Variants in PLEKHA6 observed in about 807,000 individuals in gnomAD.
The protein encoded by PLEKHA6 is pleckstrin homology domain containing A6.
A neutral mutation model predicts 116.7 loss-of-function variants in PLEKHA6; 60 were observed. That is an observed-to-expected ratio of 0.51 (90% CI 0.42 to 0.64). The LOEUF (loss-of-function observed/expected upper bound fraction) is 0.64, where lower values mean the gene tolerates loss of function less well. Ranked by LOEUF, PLEKHA6 falls within the 30% of genes least tolerant of loss-of-function variation. PLEKHA6 has a pLI of 0.00. For missense variants in PLEKHA6, 1,338 were observed against 1,422.7 expected, an observed-to-expected ratio of 0.94 and a Z score of 0.96; for synonymous variants, 489 against 556.1, an observed-to-expected ratio of 0.88 and a Z score of 1.70.
At chr1:204,286,134 G>A (rs4077545) in intron 1 of PLEKHA6, among the ~76,000 whole-genome samples, 68,931 of 152,044 alleles carry the variant, frequency 0.45, 16,173 homozygotes, top group Middle Eastern at 0.56. Context: ...TTGCTAAGCA[G>A]ACATCACAAG....
rs554397115 is a variant in PLEKHA6 at position 204,348,996 on chromosome 1, A to G, written c.-95+10698T>C. Among the ~76,000 whole-genome samples, 432 of 152,254 alleles carry G rather than the reference A, an allele frequency of 2.8e-3. 5 individuals carry two copies. Among genetic ancestry groups the G allele is most frequent in the African/African-American group, 1.0e-2 (415 of 41,552 alleles). On this transcript the variant is annotated intron_variant, in intron 1 of 22. Coordinates refer to ENST00000272203, the MANE Select transcript of PLEKHA6 (RefSeq NM_014935.5). ...TGTCGGGAGGGGTTAGCTTCAGCCC[A>G]CGCAGCTAGCCCCACCCATCCTTCC...
intron 9 of PLEKHA6, among the ~76,000 whole-genome samples, chr1:204,251,936 G>A (rs1237862019): frequency 6.6e-6 from 1 of 152,050 alleles, no homozygotes; most frequent in Non-Finnish European, 1.5e-5. Context: ...TCCCTGCCCT[G>A]ATCTCATTTC....
At chr1:204,368,339 C>T (rs2103408252) in intron 2 of PLEKHA6, 1 of 152,272 alleles carries the variant, frequency 6.6e-6, no homozygotes, top group Middle Eastern at 3.4e-3. Context: ...TCTCCAAATA[C>T]CAGGCCAGCG....
chr1:204,314,433 G>A (rs184329277), intron 1 of PLEKHA6, among the ~76,000 whole-genome samples: 12 of 152,242 alleles, frequency 7.9e-5, no homozygotes, highest in Non-Finnish European at 1.3e-4. Flanking sequence ...TCCTGCAGAC[G>A]ACAATGGAGT....
intron 1 of PLEKHA6, among the ~76,000 whole-genome samples, chr1:204,345,674 G>A (rs1673014930): frequency 3.4e-5 from 1 of 29,434 alleles, no homozygotes; most frequent in Non-Finnish European, 9.0e-5. Flanking sequence ...AGGCACTCAA[G>A]CATTTCCCTG....
At chr1:204,327,267 G>A (rs1672275433) in intron 1 of PLEKHA6, among the ~76,000 whole-genome samples, 1 of 152,198 alleles carries the variant, frequency 6.6e-6, no homozygotes, top group Non-Finnish European at 1.5e-5. Flanking sequence ...CTGCTTGTTT[G>A]TCCTTCCTAC....
chr1:204,358,680 C>A (rs1282906243), intron 1 of PLEKHA6, among the ~76,000 whole-genome samples: 1 of 152,074 alleles, frequency 6.6e-6, no homozygotes, highest in East Asian at 1.9e-4. Context: ...AAGGCTGCAA[C>A]CTCCTCTGAC....
rs916392519 is a variant in PLEKHA6, at chr1:204,223,188, C to T, written c.*8+274G>A. The stretch of plus-strand genomic sequence containing the variant: ...CCCTGAGAGCAGACAGGTGAGGTCT[C>T]GGCTCCATTCCCTGCCTGCTTCTGG... On this transcript the variant is annotated intron_variant, in intron 22 of 22. Coordinates refer to ENST00000272203, the MANE Select transcript of PLEKHA6 (RefSeq NM_014935.5). This position sits in a 1 kb window ranked among gnomAD's most constrained non-coding sequence, Gnocchi z 4.8. Among the ~76,000 whole-genome samples, 2 of 151,958 alleles carry T rather than the reference C, an allele frequency of 1.3e-5. No individual in the cohort carries two copies. Among genetic ancestry groups the T allele is most frequent in the African/African-American group, 4.8e-5 (2 of 41,350 alleles).
At chr1:204,287,843 A>T (rs1669355102) in intron 1 of PLEKHA6, among the ~76,000 whole-genome samples, 1 of 151,990 alleles carries the variant, frequency 6.6e-6, no homozygotes, top group South Asian at 2.1e-4. Flanking sequence ...GCCACACAAA[A>T]CCATTGTCTT....
chr1:204,228,873 C>A lies in PLEKHA6; in HGVS notation c.2752-12G>T. On this transcript the variant is annotated splice_polypyrimidine_tract_variant and intron_variant, in intron 19 of 22. Transcript: ENST00000272203. The surrounding 1 kb of genome is among the most constrained non-coding windows in gnomAD (Gnocchi z 4.0). ...TCTGGAGTGGAGAGCTATGGAGGGG[C>A]TGGGGTCACCACCTCTGTCCCTTCC... The A allele has an allele frequency of 6.2e-7, 1 of 1,614,062 alleles. No individual in the cohort carries two copies. The highest frequency in any genetic ancestry group is 1.1e-5 in the South Asian group (1 of 91,076).
At chr1:204,316,474 C>T (rs1190447603) in intron 1 of PLEKHA6, among the ~76,000 whole-genome samples, 2 of 152,174 alleles carry the variant, frequency 1.3e-5, no homozygotes, top group East Asian at 3.9e-4. Flanking sequence ...CCCCTTGTTC[C>T]CAGTGCCTTT....
At chr1:204,303,074 T>C (rs1670975273) in intron 1 of PLEKHA6, among the ~76,000 whole-genome samples, 1 of 152,146 alleles carries the variant, frequency 6.6e-6, no homozygotes, top group Admixed American at 6.5e-5. Flanking sequence ...AACAGCCCCA[T>C]GGTATCCATC....
intron 1 of PLEKHA6, among the ~76,000 whole-genome samples, chr1:204,276,313 G>A (rs1165815174): frequency 6.6e-6 from 1 of 152,140 alleles, no homozygotes; most frequent in Non-Finnish European, 1.5e-5. Context: ...CTAGCACGTT[G>A]ATAATCCACT....
At chr1:204,359,158 T>G (rs1005287544) in intron 1 of PLEKHA6, among the ~76,000 whole-genome samples, 1 of 152,108 alleles carries the variant, frequency 6.6e-6, no homozygotes, top group African/African-American at 2.4e-5. Flanking sequence ...AGAGCTCAGA[T>G]GCGTCCTAGG....
chr1:204,264,221 G>T (rs1666500815), intron 6 of PLEKHA6, among the ~76,000 whole-genome samples: 1 of 152,144 alleles, frequency 6.6e-6, no homozygotes, highest in South Asian at 2.1e-4. Flanking sequence ...ATACGAAAGG[G>T]CATGAGATTT....
rs61817031 is a variant in PLEKHA6, at chr1:204,220,229, C to T, written c.*2559G>A. The T allele has an allele frequency of 0.012, 1,790 of 152,400 alleles. 26 individuals carry two copies. Among genetic ancestry groups the T allele is most frequent in the Non-Finnish European group, 0.017 (1,164 of 68,056 alleles). 9.4% of individuals were successfully genotyped at this position (152,400 alleles called of 1,614,324 possible). A position where few individuals can be genotyped will look rare whatever the true frequency, so the allele number is the denominator to read the frequency against. ...CTAGCAGCCCATCTGGGGTGCATGC[C>T]TGCATGGGTCTCCTTTGTGCATACA... On this transcript the variant is annotated 3_prime_UTR_variant, in exon 23 of 23. Transcript: ENST00000272203.
chr1:204,267,600 G>A (rs1666975937), intron 4 of PLEKHA6, 53 bp from the exon 5 acceptor site: 5 of 1,477,034 alleles, frequency 3.4e-6, no homozygotes, highest in Non-Finnish European at 3.8e-6. Flanking sequence ...ACGTGGACGA[G>A]GAGATGGGAT....
intron 1 of PLEKHA6, chr1:204,347,203 A>G: frequency 3.5e-6 from 4 of 1,137,342 alleles, no homozygotes; most frequent in Non-Finnish European, 5.2e-6. Flanking sequence ...ATGTTTTCTA[A>G]AAGGCCTAGA....
intron 3 of PLEKHA6, among the ~76,000 whole-genome samples, chr1:204,272,887 G>A (rs572710523): frequency 6.6e-6 from 1 of 152,286 alleles, no homozygotes; most frequent in African/African-American, 2.4e-5. Flanking sequence ...TCCATTATGT[G>A]ATGATATACT....
Sources: allele counts gnomAD v4.1 joint callset (sites outside exome capture counted in the v4.1 genomes callset), GRCh38; gene constraint gnomAD v4.1.1; non-coding constraint Gnocchi (gnomAD v3.1); transcripts MANE v1.5; gene names NCBI Gene and HGNC (gene_info 2026-07-23, HGNC 2026-07-21).